The following NRP1 variants were observed in gnomAD, a reference collection of about 807,000 sequenced individuals.
NRP1 encodes neuropilin-1.
A neutral mutation model predicts 106.7 loss-of-function variants in NRP1; 35 were observed. The observed-to-expected ratio is 0.33, with a 90% CI of 0.25 to 0.43. The LOEUF (loss-of-function observed/expected upper bound fraction) is 0.43, where lower values mean the gene tolerates loss of function less well. Among genes scored for constraint, NRP1 ranks in the 20% least tolerant of loss-of-function variants. The probability of loss-of-function intolerance (pLI) is 1.00; values close to 1 mark genes in which losing one functional copy is unlikely to be tolerated. For missense variants in NRP1, 1,024 were observed against 1,170.4 expected (o/e 0.87, Z 1.83); for synonymous variants, 437 against 417.9 (o/e 1.05, Z -0.56).
chr10:33,264,548 C>T lies in NRP1; in HGVS notation c.431-675G>A, dbSNP rs78843778. ...TCAATGCTGACATCCTAACCTTCCC[C>T]GAAGTATCAGACACAGTATAGTACG... On this transcript the variant is annotated intron_variant, in intron 3 of 16. Transcript: ENST00000374867. 5.8e-3 allele frequency among the ~76,000 whole-genome samples: 877 copies of T among 152,190 alleles called. 40 individuals carry two copies. The East Asian group carries it at 0.12, about 21-fold the overall frequency.
intron 13 of NRP1, among the ~76,000 whole-genome samples, chr10:33,190,672 C>A (rs376499922): frequency 3.3e-5 from 5 of 152,080 alleles, no homozygotes; most frequent in African/African-American, 1.2e-4. Context: ...CAAATGCCCC[C>A]CTGGGGTACC....
At chr10:33,309,584 C>T (rs1846422060) in intron 2 of NRP1, among the ~76,000 whole-genome samples, 1 of 152,192 alleles carries the variant, frequency 6.6e-6, no homozygotes, top group African/African-American at 2.4e-5. Context: ...TTCTTTCTAG[C>T]ACCTGACACT....
intron 2 of NRP1, among the ~76,000 whole-genome samples, chr10:33,292,506 T>TA (rs1845071905): frequency 6.6e-6 from 1 of 152,158 alleles, no homozygotes; most frequent in Non-Finnish European, 1.5e-5. Context: ...ATTCCAAATA[T>TA]AAGTAGAGAG....
In NRP1 at chr10:33,237,311, T is replaced by C. The variant is rs79903549; in HGVS notation, c.982-11022A>G. Among the ~76,000 whole-genome samples the C allele has an allele frequency of 4.3e-3, 656 of 152,132 alleles. 4 individuals carry two copies. Among genetic ancestry groups the C allele is most frequent in the African/African-American group, 0.015 (621 of 41,522 alleles). ...CAGCCTAGTGATAAGTGGGGCATTA[T>C]GGGATTCAGAAGAAGGGAAAATTAC... On this transcript the variant is annotated intron_variant, in intron 6 of 16. Coordinates refer to ENST00000374867, the MANE Select transcript of NRP1 (RefSeq NM_003873.7).
chr10:33,284,253 C>T (rs1489021506), intron 2 of NRP1, among the ~76,000 whole-genome samples: 1 of 152,122 alleles, frequency 6.6e-6, no homozygotes, highest in African/African-American at 2.4e-5. Flanking sequence ...TGTAAAATAA[C>T]TTAGCTTTTT....
At position 33,314,214 on chromosome 10, in the gene NRP1, G is replaced by A. The variant is rs1846844633; in HGVS notation, c.248+16494C>T. On this transcript the variant is annotated intron_variant, in intron 2 of 16. Coordinates refer to ENST00000374867, the MANE Select transcript of NRP1 (RefSeq NM_003873.7). ...TGATCCTTCCTCCACAGCCTCCCGAGTAACTAAGACTACGGGCGCATGGCA... is the reference window on the plus strand; with the variant it reads ...TGATCCTTCCTCCACAGCCTCCCGAATAACTAAGACTACGGGCGCATGGCA... 4.6e-5 allele frequency among the ~76,000 whole-genome samples: 7 copies of A among 152,024 alleles called. 1 individual carries two copies. The highest frequency in any genetic ancestry group is 4.6e-4 in the Admixed American group (7 of 15,246).
intron 3 of NRP1, among the ~76,000 whole-genome samples, chr10:33,269,078 C>G (rs532549938): frequency 1.1e-3 from 168 of 152,100 alleles, no homozygotes; most frequent in Non-Finnish European, 1.8e-3. Flanking sequence ...TTTTTTCTAT[C>G]GAAACAAGCT....
intron 2 of NRP1, among the ~76,000 whole-genome samples, chr10:33,304,780 C>A (rs1445087966): frequency 6.6e-6 from 1 of 152,212 alleles, no homozygotes; most frequent in Non-Finnish European, 1.5e-5. Flanking sequence ...GCACTCCTCA[C>A]AGATGGCATC....
intron 10 of NRP1, 136 bp downstream of exon 10, chr10:33,207,436 T>A: frequency 2.3e-6 from 2 of 871,720 alleles, no homozygotes; most frequent in Non-Finnish European, 3.5e-6. Flanking sequence ...TGAGTCTCAC[T>A]GATGGGCAGG....
intron 2 of NRP1, among the ~76,000 whole-genome samples, chr10:33,308,498 T>C (rs1846331258): frequency 1.3e-5 from 2 of 152,002 alleles, no homozygotes; most frequent in Non-Finnish European, 2.9e-5. Flanking sequence ...CATTATTCTT[T>C]TTTTTTGAGA....
At chr10:33,323,567 T>C (rs1399049258) in intron 2 of NRP1, among the ~76,000 whole-genome samples, 3 of 152,054 alleles carry the variant, frequency 2.0e-5, no homozygotes, top group Admixed American at 1.3e-4. Context: ...CTGCCCTAGA[T>C]ACCAGATACA....
intron 6 of NRP1, among the ~76,000 whole-genome samples, chr10:33,229,694 A>G (rs1444734912): frequency 6.6e-6 from 1 of 152,164 alleles, no homozygotes; most frequent in Non-Finnish European, 1.5e-5. Flanking sequence ...CAAACAGAAG[A>G]TTCCTAGGTA....
chr10:33,328,521 GTTCTT>G (rs1285409535), intron 2 of NRP1, among the ~76,000 whole-genome samples: 1 of 152,126 alleles, frequency 6.6e-6, no homozygotes, highest in Non-Finnish European at 1.5e-5. Flanking sequence ...ATATTACTCT[GTTCTT>G]TCCCAGAAGA....
At chr10:33,232,449 G>A (rs1052506975) in intron 6 of NRP1, among the ~76,000 whole-genome samples, 13 of 152,078 alleles carry the variant, frequency 8.5e-5, no homozygotes, top group Non-Finnish European at 1.8e-4. Context: ...GTGATGGTGA[G>A]GGGGTGTGAT....
chr10:33,292,516 G>A (rs1010974946), intron 2 of NRP1, among the ~76,000 whole-genome samples: 2 of 152,166 alleles, frequency 1.3e-5, no homozygotes, highest in South Asian at 2.1e-4. Context: ...TAAGTAGAGA[G>A]GAAAGTAAGT....
At chr10:33,217,174 T>C (rs529280317) in intron 8 of NRP1, among the ~76,000 whole-genome samples, 2 of 152,328 alleles carry the variant, frequency 1.3e-5, no homozygotes, top group South Asian at 4.1e-4. Flanking sequence ...GGGGACCAGA[T>C]GTTACCATTT....
Position 33,270,833 on chromosome 10 carries a change from T to C in NRP1, c.272A>G (p.Asp91Gly). ...DCKYDYVEVF[D>G]GENENGHFRG... The stretch of plus-strand genomic sequence containing the variant: ...AAAATGTCCATTTTCATTTTCTCCA[T>C]CGAAGACTTCCACGTAGTCATACCT... The change falls in exon 3 of 17, where the codon GAT (aspartate) becomes GGT (glycine). Residue 91 changes from aspartate to glycine, a missense_variant. Physicochemically the swap from Asp to Gly is moderately conservative, Grantham distance 94 (BLOSUM62 -1). This residue lies in a region of NRP1 where 279 missense variants were observed against 327.4 expected (regional missense o/e 0.85). Transcript: ENST00000374867. The C allele has an allele frequency of 6.2e-7, 1 of 1,613,002 alleles. No homozygotes were observed. Among genetic ancestry groups the C allele is most frequent in the Non-Finnish European group, 8.5e-7 (1 of 1,179,464 alleles).
intron 10 of NRP1, chr10:33,206,236 T>G (rs761104924): frequency 1.9e-6 from 1 of 519,048 alleles, no homozygotes; most frequent in Non-Finnish European, 3.8e-6. Flanking sequence ...TGACCACATT[T>G]CTCCGTGAAT....
chr10:33,248,162 C>A (rs950484939), intron 6 of NRP1, among the ~76,000 whole-genome samples: 2 of 152,094 alleles, frequency 1.3e-5, no homozygotes, highest in African/African-American at 2.4e-5. Flanking sequence ...TGGTGGCACA[C>A]GCCTGTAATC....
Sources: allele counts gnomAD v4.1 joint callset (sites outside exome capture counted in the v4.1 genomes callset), GRCh38; gene constraint gnomAD v4.1.1; regional missense constraint gnomAD v4.1.1; transcripts MANE v1.5; gene names NCBI Gene and HGNC (gene_info 2026-07-23, HGNC 2026-07-21).